GTF3C2: variants seen among roughly 807,000 people sequenced by gnomAD.
GTF3C2 encodes the protein general transcription factor 3C polypeptide 2.
GTF3C2 carries 17 observed loss-of-function variants against 117.4 expected under a neutral mutation model. That is an observed-to-expected ratio of 0.14 (90% CI 0.10 to 0.22). The LOEUF is 0.22. GTF3C2 is among the 10% of genes least tolerant of loss of function. GTF3C2 has a pLI of 1.00. For synonymous variants in GTF3C2, 437 were observed against 427.0 expected (o/e 1.02, Z -0.29); for missense variants, 888 against 1,143.6 (o/e 0.78, Z 3.22).
At position 27,328,437 on chromosome 2, in the gene GTF3C2, A is replaced by G. The variant is rs192133356; in HGVS notation, c.2256+31T>C. On this transcript the variant is annotated intron_variant, in intron 16 of 18. Transcript: ENST00000264720. ...TGGGAGGGCATGTGGGTTAGGATCC[A>G]ACAGCTGCTGTTAGATGTTCGTATA... 29 of 1,613,060 alleles carry G rather than the reference A, an allele frequency of 1.8e-5. No homozygotes were observed. The East Asian group carries it at 5.3e-4, about 30-fold the overall frequency.
At chr2:27,351,037 G>A (rs537608990) in intron 1 of GTF3C2, among the ~76,000 whole-genome samples, 3 of 151,936 alleles carry the variant, frequency 2.0e-5, no homozygotes, top group African/African-American at 7.2e-5. Context: ...GATCACTTAT[G>A]CCCAGGAGTT....
chr2:27,344,481 AAC>A lies in GTF3C2; in HGVS notation c.-24-905_-24-904del, dbSNP rs201075304. ...CTGTCTCTGAAACCCAATGAAATAAAACACACACACACAGACATACACACACT... is the reference window on the plus strand; with the variant it reads ...CTGTCTCTGAAACCCAATGAAATAAAACACACACACAGACATACACACACT... On this transcript the variant is annotated intron_variant, in intron 1 of 18. Coordinates refer to ENST00000264720, the Ensembl canonical transcript of GTF3C2. Among the ~76,000 whole-genome samples the A allele has an allele frequency of 2.1e-3, 325 of 152,194 alleles. 1 individual carries two copies. The highest frequency in any genetic ancestry group is 7.6e-3 in the African/African-American group (314 of 41,522).
chr2:27,356,010 G>C lies in GTF3C2; in HGVS notation c.-25+729C>G, dbSNP rs539588152. On this transcript the variant is annotated intron_variant, in intron 1 of 18. Transcript: ENST00000264720. Reference sequence around the variant, plus strand: ...CAGAAAACAATAGTACAATTGATAAGAGATTGCAAAAATAGTGATGGCACG... The same window carrying C: ...CAGAAAACAATAGTACAATTGATAACAGATTGCAAAAATAGTGATGGCACG... 17 of 878,744 alleles carry C rather than the reference G, an allele frequency of 1.9e-5. No individual in the cohort carries two copies. In the African/African-American group the frequency reaches 2.1e-4, roughly 11 times the overall value. 54.4% of individuals were successfully genotyped at this position (878,744 alleles called of 1,614,324 possible).
chr2:27,333,692 G>C (rs769086264), exon 12 of GTF3C2: 1 of 1,611,852 alleles, frequency 6.2e-7, no homozygotes, highest in African/African-American at 1.3e-5. Flanking sequence ...GGTGGGGCCT[G>C]GTAGGCATCC....
chr2:27,336,511 G>T, intron 7 of GTF3C2, 86 bp from the exon 8 acceptor site: 1 of 771,682 alleles, frequency 1.3e-6, no homozygotes, highest in South Asian at 1.6e-5. Flanking sequence ...GAGCCAGTAT[G>T]AACTGGCTCA....
intron 17 of GTF3C2, 136 bp from the exon 18 acceptor site, chr2:27,327,420 G>T: frequency 2.1e-6 from 1 of 472,078 alleles, no homozygotes; most frequent in South Asian, 3.7e-5. Flanking sequence ...GTGCTTCCCA[G>T]GTTCAAGTGA....
chr2:27,347,606 C>A lies in GTF3C2; in HGVS notation c.-24-4028G>T, dbSNP rs564427963. ...GAAAAGGATAGAAAGATGAAGAGTA[C>A]CCTTTTGAAGAAGTGATTCAGAAAA... On this transcript the variant is annotated intron_variant, in intron 1 of 18. Coordinates refer to ENST00000264720, the Ensembl canonical transcript of GTF3C2. 7.0e-4 allele frequency among the ~76,000 whole-genome samples: 106 copies of A among 151,748 alleles called. 3 individuals are homozygous for A. Among genetic ancestry groups the A allele is most frequent in the Non-Finnish European group, 5.6e-4 (38 of 68,024 alleles).
chr2:27,343,250 G>C, intron 2 of GTF3C2, 58 bp downstream of exon 2: 1 of 1,568,280 alleles, frequency 6.4e-7, no homozygotes, highest in Non-Finnish European at 8.7e-7. Context: ...AGCTCAATCT[G>C]CTCTTTCATC....
chr2:27,352,882 T>C (rs930156418), intron 1 of GTF3C2, among the ~76,000 whole-genome samples: 3 of 152,204 alleles, frequency 2.0e-5, no homozygotes, highest in African/African-American at 2.4e-5. Context: ...AACATTCACT[T>C]TTCTTGAGAA....
At chr2:27,330,693 G>C (rs1364717338) in intron 12 of GTF3C2, among the ~76,000 whole-genome samples, 1 of 152,148 alleles carries the variant, frequency 6.6e-6, no homozygotes, top group African/African-American at 2.4e-5. Context: ...AGGCACGATG[G>C]CTCATGCCTG....
chr2:27,327,018 A>G, intron 18 of GTF3C2, 125 bp from the exon 19 acceptor site: 1 of 704,340 alleles, frequency 1.4e-6, no homozygotes, highest in Non-Finnish European at 2.4e-6. Context: ...GAGGGGTGAC[A>G]GAGGTAAGAA....
chr2:27,333,367 C>T (rs1230942526), intron 12 of GTF3C2, among the ~76,000 whole-genome samples: 1 of 151,578 alleles, frequency 6.6e-6, no homozygotes, highest in East Asian at 1.9e-4. Context: ...ATTGGCCAGG[C>T]TGGTCTTGAA....
intron 4 of GTF3C2, among the ~76,000 whole-genome samples, chr2:27,338,456 G>A (rs1017316672): frequency 2.1e-4 from 10 of 47,888 alleles, no homozygotes; most frequent in African/African-American, 6.6e-4. Context: ...GCACGCGCAC[G>A]CGCGCACACA....
chr2:27,341,887 C>G (rs189416002), intron 4 of GTF3C2, 61 bp downstream of exon 4: 1 of 1,394,484 alleles, frequency 7.2e-7, no homozygotes, highest in Non-Finnish European at 1.0e-6. Context: ...TTTCTCAGTA[C>G]CTTGCTGGTC....
At chr2:27,348,658 G>T (rs1201995232) in intron 1 of GTF3C2, among the ~76,000 whole-genome samples, 2 of 151,612 alleles carry the variant, frequency 1.3e-5, no homozygotes, top group Non-Finnish European at 2.9e-5. Flanking sequence ...ACAAAAATTA[G>T]CTGGGCATGG....
At chr2:27,343,691 A>G (rs1052994288) in intron 1 of GTF3C2, 113 bp from the exon 2 acceptor site, 1 of 828,166 alleles carries the variant, frequency 1.2e-6, no homozygotes, top group Non-Finnish European at 1.9e-6. Flanking sequence ...AAGTTCCCTG[A>G]TTATTCACTT....
intron 1 of GTF3C2, chr2:27,356,069 A>G (rs1342840369): frequency 7.8e-7 from 1 of 1,284,024 alleles, no homozygotes. Context: ...CCTCTGGAAC[A>G]AAGAGGTTTG....
At chr2:27,327,599 C>T (rs1680127922) in intron 17 of GTF3C2, among the ~76,000 whole-genome samples, 1 of 146,774 alleles carries the variant, frequency 6.8e-6, no homozygotes, top group Non-Finnish European at 1.5e-5. Context: ...GCTAGGATTA[C>T]AGGTGTGAGC....
intron 1 of GTF3C2, among the ~76,000 whole-genome samples, chr2:27,349,569 C>CA (rs1681051275): frequency 1.3e-5 from 2 of 151,644 alleles, no homozygotes; most frequent in African/African-American, 4.8e-5. Context: ...TAAGCAAAAA[C>CA]AAAGGAGGAG....
Sources: allele counts gnomAD v4.1 joint callset (sites outside exome capture counted in the v4.1 genomes callset), GRCh38; gene constraint gnomAD v4.1.1; transcripts MANE v1.5; gene names NCBI Gene and HGNC (gene_info 2026-07-23, HGNC 2026-07-21).